ANO8: variants seen among roughly 807,000 people sequenced by gnomAD.
ANO8 encodes anoctamin 8.
ANO8 carries 67 observed loss-of-function variants against 120.4 expected under a neutral mutation model. That is an observed-to-expected ratio of 0.56 (90% CI 0.46 to 0.68). The LOEUF (loss-of-function observed/expected upper bound fraction) is 0.68. Ranked by LOEUF, ANO8 falls within the 30% of genes least tolerant of loss-of-function variation. The probability of loss-of-function intolerance (pLI) is 0.00; values close to 1 mark genes in which losing one functional copy is unlikely to be tolerated. For missense variants in ANO8, 1,526 were observed against 1,737.6 expected, an observed-to-expected ratio of 0.88 and a Z score of 2.16; for synonymous variants, 727 against 759.2, an observed-to-expected ratio of 0.96 and a Z score of 0.70.
intron 17 of ANO8, among the ~76,000 whole-genome samples, chr19:17,324,370 C>A (rs1020973126): frequency 3.9e-5 from 6 of 152,024 alleles, no homozygotes; most frequent in African/African-American, 1.4e-4. Context: ...CAAGTCCCCC[C>A]CAAGAGTGAG....
chr19:17,323,418 G>A lies in ANO8; in HGVS notation c.*99C>T, dbSNP rs568256502. On this transcript the variant is annotated 3_prime_UTR_variant, in exon 18 of 18. Transcript: ENST00000159087. Reference sequence around the variant, plus strand: ...GATGGGGGGCACCGACCAATACTGGGGGCCCTCGGGGGCTGAAGCGCATTT... The same window carrying A: ...GATGGGGGGCACCGACCAATACTGGAGGCCCTCGGGGGCTGAAGCGCATTT... 2.5e-6 allele frequency: 3 copies of A among 1,224,064 alleles called. No homozygotes were observed. The highest frequency in any genetic ancestry group is 3.4e-5 in the South Asian group (1 of 29,468). 75.8% of individuals were successfully genotyped at this position (1,224,064 alleles called of 1,614,324 possible).
At chr19:17,334,245 C>A (rs754328646) in intron 1 of ANO8, among the ~76,000 whole-genome samples, 1 of 152,206 alleles carries the variant, frequency 6.6e-6, no homozygotes, top group African/African-American at 2.4e-5. Flanking sequence ...AACCCAGGAC[C>A]GTATGATTCT....
In ANO8 at chr19:17,329,209, G is replaced by A. The variant is rs1314130427; in HGVS notation, c.1405-226C>T. ...GCGCTCCTCGCCCACCTCACGGGCAGGCCCAGCGCGTCTCCACCCCACCGC... is the reference window on the plus strand; with the variant it reads ...GCGCTCCTCGCCCACCTCACGGGCAAGCCCAGCGCGTCTCCACCCCACCGC... On this transcript the variant is annotated intron_variant, in intron 12 of 17. Coordinates refer to ENST00000159087, the MANE Select transcript of ANO8 (RefSeq NM_020959.3). 8.5e-6 allele frequency: 4 copies of A among 471,526 alleles called. No individual in the cohort carries two copies. In the South Asian group the frequency reaches 1.3e-4, roughly 16 times the overall value. 29.2% of individuals were successfully genotyped at this position (471,526 alleles called of 1,614,324 possible). A position where few individuals can be genotyped will look rare whatever the true frequency, so the allele number is the denominator to read the frequency against.
chr19:17,329,431 G>A (rs1207982437), intron 12 of ANO8: 2 of 413,998 alleles, frequency 4.8e-6, no homozygotes, highest in African/African-American at 2.0e-5. Context: ...CCGCGAGCAG[G>A]AGGCCCCGGA....
rs767136093 is a variant in ANO8 at position 17,330,110 on chromosome 19, C to A, written c.1273+15G>T. 2 of 1,613,978 alleles carry A rather than the reference C, an allele frequency of 1.2e-6. No individual in the cohort carries two copies. Among genetic ancestry groups the A allele is most frequent in the Non-Finnish European group, 8.5e-7 (1 of 1,179,988 alleles). ...GTGGAGACCTTCCTCCCAGAGACCCCCTGGCAGGTCGTACCCATGTCATTG... is the reference window on the plus strand; with the variant it reads ...GTGGAGACCTTCCTCCCAGAGACCCACTGGCAGGTCGTACCCATGTCATTG... On this transcript the variant is annotated intron_variant, in intron 10 of 17. Coordinates refer to ENST00000159087, the MANE Select transcript of ANO8 (RefSeq NM_020959.3).
chr19:17,330,787 T>G, intron 8 of ANO8, 41 bp downstream of exon 8: 2 of 1,588,232 alleles, frequency 1.3e-6, no homozygotes, highest in Non-Finnish European at 1.7e-6. Flanking sequence ...CCATTTACCT[T>G]TGTCCTGTCT....
chr19:17,323,631 G>A lies in ANO8; in HGVS notation c.3585C>T (p.Tyr1195=). The part of the protein sequence containing the change: ...PQPLPGDASF[Y]SLPPPPLPPT... Reference sequence around the variant, plus strand: ...GCGGTAGCGGTGGGGGCGGGAGGCTGTAAAAGCTGGCGTCTCCCGGCAGGG... The same window carrying A: ...GCGGTAGCGGTGGGGGCGGGAGGCTATAAAAGCTGGCGTCTCCCGGCAGGG... Residue 1195 remains tyrosine (Y), a synonymous_variant, in exon 18 of 18, where the codon TAC becomes TAT. Coordinates refer to ENST00000159087, the MANE Select transcript of ANO8 (RefSeq NM_020959.3). 1 of 777,806 alleles carries A rather than the reference G, an allele frequency of 1.3e-6. No individual in the cohort carries two copies. Among genetic ancestry groups the A allele is most frequent in the Non-Finnish European group, 1.5e-6 (1 of 648,654 alleles). 48.2% of individuals were successfully genotyped at this position (777,806 alleles called of 1,614,324 possible).
chr19:17,334,589 C>A lies in ANO8; in HGVS notation c.82G>T (p.Ala28Ser), dbSNP rs762699608. 6.4e-7 allele frequency: 1 copy of A among 1,551,278 alleles called. No individual in the cohort carries two copies. The highest frequency in any genetic ancestry group is 1.8e-5 in the Admixed American group (1 of 55,554). Residue 28 changes from alanine to serine, a missense_variant, in exon 1 of 18, where the codon GCA becomes TCA. By Grantham distance (99) the Ala-to-Ser change is moderately conservative. This residue lies in a region of ANO8 where 53 missense variants were observed against 45.0 expected (regional missense o/e 1.18). Coordinates refer to ENST00000159087, the MANE Select transcript of ANO8 (RefSeq NM_020959.3). ...CCCAGAACTCCGGACGCCGGGGCTG[C>A]AGGCTCGCCCTCCGGCGGGGGCCTC... ...GKRPPPEGEP[A>S]APASGVLDKL...
rs756192319 is a variant in ANO8, at chr19:17,334,627, C to T, written c.44G>A (p.Gly15Asp). The T allele has an allele frequency of 1.3e-6, 2 of 1,518,386 alleles. No homozygotes were observed. The highest frequency in any genetic ancestry group is 1.2e-5 in the South Asian group (1 of 82,688). 94.1% of individuals were successfully genotyped at this position (1,518,386 alleles called of 1,614,324 possible). Residue 15 changes from glycine to aspartate, a missense_variant, in exon 1 of 18, where the codon GGC becomes GAC. This residue lies in a region of ANO8 where 53 missense variants were observed against 45.0 expected (regional missense o/e 1.18). Transcript: ENST00000159087. ...ASGAGGTSLE[G>D]ERGKRPPPEG... Reference sequence around the variant, plus strand: ...CGGCGGGGGCCTCTTGCCACGCTCGCCCTCCAGGGACGTGCCCCCGGCGCC... The same window carrying T: ...CGGCGGGGGCCTCTTGCCACGCTCGTCCTCCAGGGACGTGCCCCCGGCGCC...
At chr19:17,327,622 C>T (rs1221550180) in intron 14 of ANO8, 53 bp from the exon 15 acceptor site, 2 of 1,608,802 alleles carry the variant, frequency 1.2e-6, no homozygotes, top group Non-Finnish European at 1.7e-6. Flanking sequence ...CCCCAGACCC[C>T]AGGCTCCTCC....
At position 17,329,961 on chromosome 19, in the gene ANO8, G is replaced by A; in HGVS notation, c.1327C>T (p.Leu443=). 1 of 1,614,110 alleles carries A rather than the reference G, an allele frequency of 6.2e-7. No individual in the cohort carries two copies. The highest frequency in any genetic ancestry group is 8.5e-7 in the Non-Finnish European group (1 of 1,180,014). ...YEKHLIIKVV[L]FQFVNSYLSL... ...CCTGTCCGATGGTGGTGACTCACCA[G>A]GACAACTTTGATGATGAGGTGCTTC... The change falls in exon 11 of 18, where the codon CTG becomes TTG. Residue 443 remains leucine, a splice_region_variant and synonymous_variant. Transcript: ENST00000159087.
At chr19:17,323,922 C>T (rs2074255907) in intron 17 of ANO8, 38 bp from the exon 18 acceptor site, 6 of 1,108,674 alleles carry the variant, frequency 5.4e-6, no homozygotes, top group Non-Finnish European at 3.3e-6. Flanking sequence ...GGGGATGCCG[C>T]CCCCGCCGGA....
rs58263758 is a variant in ANO8, at chr19:17,323,311, C to CTGTGTGTGTGTGTG, written c.*192_*205dup. 1,182 of 327,368 alleles carry CTGTGTGTGTGTGTG rather than the reference C, an allele frequency of 3.6e-3. 3 individuals are homozygous for CTGTGTGTGTGTGTG. Among genetic ancestry groups the CTGTGTGTGTGTGTG allele is most frequent in the Middle Eastern group, 8.9e-3 (11 of 1,242 alleles). 20.3% of individuals were successfully genotyped at this position (327,368 alleles called of 1,614,324 possible). ...AAAAACAAATAAATAATCGCCTGTTCTGTGTGTGTGTGTGTGTGTGTGTGT... is the reference window on the plus strand; with the variant it reads ...AAAAACAAATAAATAATCGCCTGTTCTGTGTGTGTGTGTGTGTGTGTGTGTGTGTGTGTGTGTGT... On this transcript the variant is annotated 3_prime_UTR_variant, in exon 18 of 18. Transcript: ENST00000159087.
chr19:17,334,629 CT>C lies in ANO8; in HGVS notation c.41del (p.Glu14GlyfsTer44). The C allele has an allele frequency of 6.6e-7, 1 of 1,509,756 alleles. No individual in the cohort carries two copies. The highest frequency in any genetic ancestry group is 8.8e-7 in the Non-Finnish European group (1 of 1,137,080). 93.5% of individuals were successfully genotyped at this position (1,509,756 alleles called of 1,614,324 possible). A position where few individuals can be genotyped will look rare whatever the true frequency, so the allele number is the denominator to read the frequency against. ...AASGAGGTSLEGERGKRPPPE... is the reference protein window; with the variant it reads ...AASGAGGTSLXGERGKRPPPE... ...GCGGGGGCCTCTTGCCACGCTCGCCCTCCAGGGACGTGCCCCCGGCGCCGGA... is the reference window on the plus strand; with the variant it reads ...GCGGGGGCCTCTTGCCACGCTCGCCCCCAGGGACGTGCCCCCGGCGCCGGA... On this transcript the variant is annotated frameshift_variant, in exon 1 of 18. Transcript: ENST00000159087. LOFTEE classifies it high-confidence loss of function.
chr19:17,331,112 C>G lies in ANO8; in HGVS notation c.807G>C (p.Leu269=). ...CCTGATCAGCCTCTGTGAATGTGTACAGGACAGACCCGAAGACAGCTGGGT... is the reference window on the plus strand; with the variant it reads ...CCTGATCAGCCTCTGTGAATGTGTAGAGGACAGACCCGAAGACAGCTGGGT... The part of the protein sequence containing the change: ...MVYPAVFGSV[L]YTFTEADQTS... Residue 269 remains leucine, a synonymous_variant, in exon 7 of 18, where the codon CTG becomes CTC. Coordinates refer to ENST00000159087, the MANE Select transcript of ANO8 (RefSeq NM_020959.3). 1 of 1,614,202 alleles carries G rather than the reference C, an allele frequency of 6.2e-7. No homozygotes were observed. Among genetic ancestry groups the G allele is most frequent in the Non-Finnish European group, 8.5e-7 (1 of 1,180,030 alleles).
chr19:17,333,435 C>T lies in ANO8; in HGVS notation c.337G>A (p.Ala113Thr), dbSNP rs764965055. ...CAGGGGACTCGCCTCTCATACGTGGCGGTGACAAAGAAGGCGTAGGCACGC... is the reference window on the plus strand; with the variant it reads ...CAGGGGACTCGCCTCTCATACGTGGTGGTGACAAAGAAGGCGTAGGCACGC... ...HTRAYAFFVT[A>T]TYESLLRGAD... Residue 113 changes from alanine to threonine, a missense_variant, in exon 3 of 18, where the codon GCC becomes ACC. By Grantham distance (58) the Ala-to-Thr change is moderately conservative. Transcript: ENST00000159087. This position sits in a 1 kb window ranked among gnomAD's most constrained non-coding sequence, Gnocchi z 7.2. 1 of 1,613,718 alleles carries T rather than the reference C, an allele frequency of 6.2e-7. No individual in the cohort carries two copies. Among genetic ancestry groups the T allele is most frequent in the South Asian group, 1.1e-5 (1 of 91,080 alleles).
chr19:17,328,298 G>C lies in ANO8; in HGVS notation c.2090C>G (p.Pro697Arg). 6.2e-7 allele frequency: 1 copy of C among 1,603,580 alleles called. No homozygotes were observed. ...CGAATCGCTGTTGGAGCCGGGTTCC[G>C]GGTCCGGGCCCCCGTCGGGCCCCTG... The part of the protein sequence containing the change: ...RDQGPDGGPD[P>R]EPGSNSDSTR... The change falls in exon 13 of 18, where the codon CCG (proline) becomes CGG (arginine). Residue 697 changes from proline (P) to arginine (R), a missense_variant. By Grantham distance (103) the Pro-to-Arg change is moderately radical. This residue lies in a region of ANO8 where 467 missense variants were observed against 425.8 expected (regional missense o/e 1.10). Coordinates refer to ENST00000159087, the MANE Select transcript of ANO8 (RefSeq NM_020959.3).
Position 17,327,870 on chromosome 19 carries a change from T to C in ANO8, c.2237A>G (p.Gln746Arg). 1 of 1,613,490 alleles carries C rather than the reference T, an allele frequency of 6.2e-7. No individual in the cohort carries two copies. Among genetic ancestry groups the C allele is most frequent in the Non-Finnish European group, 8.5e-7 (1 of 1,179,540 alleles). Residue 746 changes from glutamine to arginine, a missense_variant, in exon 14 of 18, where the codon CAG (glutamine) becomes CGG (arginine). Physicochemically the swap from Gln to Arg is conservative, Grantham distance 43. Coordinates refer to ENST00000159087, the MANE Select transcript of ANO8 (RefSeq NM_020959.3). ...CTGCACGAACATCTCCTGGTAGTCCTGGAACGTGTCCTGCGAGTGGGCGGG... is the reference window on the plus strand; with the variant it reads ...CTGCACGAACATCTCCTGGTAGTCCCGGAACGTGTCCTGCGAGTGGGCGGG... ...SCMKKYEDTF[Q>R]DYQEMFVQFG... is the part of the protein sequence containing the mutation.
rs2074252434 is a variant in ANO8, at chr19:17,323,609, G to T, written c.3607C>A (p.Pro1203Thr). Residue 1203 changes from proline (P) to threonine (T), a missense_variant, in exon 18 of 18, where the codon CCG becomes ACG. Physicochemically the swap from Pro to Thr is conservative, Grantham distance 38 (BLOSUM62 -1). Around this residue, in one of 8 missense-constraint regions of ANO8, gnomAD observed 489 missense variants for 548.6 expected, o/e 0.89. Coordinates refer to ENST00000159087, the MANE Select transcript of ANO8 (RefSeq NM_020959.3). ...GTCTCGAGGGGATCCGAGGTGGGCG[G>T]TAGCGGTGGGGGCGGGAGGCTGTAA... Reference protein sequence around the residue: ...SFYSLPPPPLPPTSDPLETPA... With the variant: ...SFYSLPPPPLTPTSDPLETPA... 1 of 1,160,944 alleles carries T rather than the reference G, an allele frequency of 8.6e-7. No homozygotes were observed. Among genetic ancestry groups the T allele is most frequent in the Non-Finnish European group, 1.1e-6 (1 of 929,008 alleles). The allele number at this position is 1,160,944 out of a possible 1,614,324, so 71.9% of individuals were successfully genotyped here. A position where few individuals can be genotyped will look rare whatever the true frequency, so the allele number is the denominator to read the frequency against.
Sources: gnomAD v4.1 joint callset for allele counts (sites outside exome capture counted in the v4.1 genomes callset) on GRCh38, gnomAD v4.1.1 for gene constraint, gnomAD v4.1.1 regional missense constraint, Gnocchi (gnomAD v3.1) non-coding constraint, MANE v1.5 for transcripts, NCBI Gene and HGNC (gene_info 2026-07-23, HGNC 2026-07-21) for gene names.